Variants in RIMS2 observed in about 807,000 individuals in gnomAD.
The protein encoded by RIMS2 is regulating synaptic membrane exocytosis 2, also known as regulating synaptic membrane exocytosis protein 2.
A neutral mutation model predicts 174.4 loss-of-function variants in RIMS2; 59 were observed. That is an observed-to-expected ratio of 0.34 (90% confidence interval 0.27 to 0.42). RIMS2 has a LOEUF of 0.42. Ranked by LOEUF, RIMS2 falls within the 10% of genes least tolerant of loss-of-function variation. The pLI is 1.00. For missense variants in RIMS2, 1,620 were observed against 1,666.3 expected (o/e 0.97, Z 0.48); for synonymous variants, 606 against 572.5 (o/e 1.06, Z -0.84).
At chr8:104,129,896 T>A (rs931646642) in intron 19 of RIMS2, among the ~76,000 whole-genome samples, 1 of 152,238 alleles carries the variant, frequency 6.6e-6, no homozygotes, top group Non-Finnish European at 1.5e-5. Flanking sequence ...TGTTAATTGG[T>A]TGACATCTAT....
At chr8:104,093,566 TA>T (rs1371384771) in intron 19 of RIMS2, 1 of 1,597,586 alleles carries the variant, frequency 6.3e-7, no homozygotes, top group East Asian at 2.2e-5. Context: ...TTTCAAGGAC[TA>T]GTAGTGCTTC....
intron 1 of RIMS2, among the ~76,000 whole-genome samples, chr8:103,531,048 G>T (rs1330154724): frequency 1.3e-5 from 2 of 150,796 alleles, no homozygotes; most frequent in African/African-American, 4.9e-5. Flanking sequence ...TAACACATAG[G>T]CAAAACAAGA....
At chr8:104,226,603 A>G (rs1048185822) in intron 19 of RIMS2, among the ~76,000 whole-genome samples, 3 of 152,230 alleles carry the variant, frequency 2.0e-5, no homozygotes, top group Non-Finnish European at 4.4e-5. Context: ...AAATAACTAC[A>G]TAATTATAAC....
chr8:104,062,652 A>G (rs1024847147), intron 19 of RIMS2, among the ~76,000 whole-genome samples: 9 of 152,196 alleles, frequency 5.9e-5, no homozygotes, highest in Admixed American at 2.0e-4. Flanking sequence ...AGGTGAGCCA[A>G]TAGCTGTATA....
At chr8:103,778,222 T>C (rs1206663925) in intron 3 of RIMS2, among the ~76,000 whole-genome samples, 1 of 152,032 alleles carries the variant, frequency 6.6e-6, no homozygotes, top group Admixed American at 6.6e-5. Context: ...ATCAAGGTAG[T>C]TGGGATATCC....
chr8:103,529,573 C>T (rs1355674678), intron 1 of RIMS2, among the ~76,000 whole-genome samples: 2 of 152,248 alleles, frequency 1.3e-5, no homozygotes, highest in Non-Finnish European at 2.9e-5. Flanking sequence ...CCTTCTGCTT[C>T]CCGGGTGAGG....
At chr8:104,022,420 G>A (rs926351559) in intron 19 of RIMS2, among the ~76,000 whole-genome samples, 2 of 151,782 alleles carry the variant, frequency 1.3e-5, no homozygotes, top group Admixed American at 6.6e-5. Context: ...TTGCTCTCTC[G>A]CCCAGGCTGG....
chr8:103,586,856 A>G (rs1318682035), intron 1 of RIMS2, among the ~76,000 whole-genome samples: 1 of 152,062 alleles, frequency 6.6e-6, no homozygotes, highest in Non-Finnish European at 1.5e-5. Flanking sequence ...TAAGAGAAAA[A>G]AAACCCAGAA....
At chr8:104,233,660 C>T (rs1403879170) in intron 19 of RIMS2, among the ~76,000 whole-genome samples, 1 of 152,148 alleles carries the variant, frequency 6.6e-6, no homozygotes, top group Non-Finnish European at 1.5e-5. Flanking sequence ...CTTTCTAGTA[C>T]AGGTTTGGAA....
intron 3 of RIMS2, among the ~76,000 whole-genome samples, chr8:103,876,473 T>G (rs1300320696): frequency 1.3e-5 from 2 of 151,756 alleles, no homozygotes; most frequent in Non-Finnish European, 2.9e-5. Flanking sequence ...CGTAGGTTTT[T>G]GGGGAACAGG....
chr8:103,505,907 G>C (rs970651032), intron 1 of RIMS2, among the ~76,000 whole-genome samples: 2 of 152,014 alleles, frequency 1.3e-5, no homozygotes, highest in Non-Finnish European at 2.9e-5. Context: ...AGTGATTTGT[G>C]GAGGCTCTCT....
At chr8:104,053,371 A>G (rs1371446118) in intron 19 of RIMS2, among the ~76,000 whole-genome samples, 1 of 152,208 alleles carries the variant, frequency 6.6e-6, no homozygotes, top group Non-Finnish European at 1.5e-5. Context: ...TAGCTGCAAT[A>G]GGTCCCACTT....
At chr8:103,921,026 A>ACAG in intron 9 of RIMS2, 1 of 230,540 alleles carries the variant, frequency 4.3e-6, no homozygotes, top group South Asian at 5.1e-5. Context: ...AACAACAACA[A>ACAG]CAACAACAAC....
intron 2 of RIMS2, among the ~76,000 whole-genome samples, chr8:103,752,517 A>T (rs994275997): frequency 1.3e-5 from 2 of 152,158 alleles, no homozygotes; most frequent in East Asian, 3.9e-4. Flanking sequence ...TGGGGATGGC[A>T]TTGAATCTAT....
intron 1 of RIMS2, among the ~76,000 whole-genome samples, chr8:103,512,730 A>G (rs1339007689): frequency 6.6e-6 from 1 of 152,204 alleles, no homozygotes; most frequent in African/African-American, 2.4e-5. Flanking sequence ...TAGAATTGGC[A>G]TTAGAAAAGT....
At chr8:103,778,249 A>T (rs912663502) in intron 3 of RIMS2, among the ~76,000 whole-genome samples, 1 of 152,094 alleles carries the variant, frequency 6.6e-6, no homozygotes, top group Non-Finnish European at 1.5e-5. Context: ...TAAATATCTT[A>T]TCTTTATGCT....
intron 19 of RIMS2, among the ~76,000 whole-genome samples, chr8:104,226,613 C>T (rs1470159151): frequency 6.6e-6 from 1 of 152,130 alleles, no homozygotes; most frequent in Non-Finnish European, 1.5e-5. Context: ...ATAATTATAA[C>T]TGTGACAGGT....
chr8:104,240,575 A>C (rs950208137), intron 19 of RIMS2, among the ~76,000 whole-genome samples: 2 of 152,222 alleles, frequency 1.3e-5, no homozygotes, highest in African/African-American at 2.4e-5. Flanking sequence ...TGATTATGTC[A>C]GATGATAGTG....
intron 19 of RIMS2, among the ~76,000 whole-genome samples, chr8:104,229,583 C>A (rs2099212171): frequency 6.6e-6 from 1 of 152,174 alleles, no homozygotes; most frequent in Non-Finnish European, 1.5e-5. Context: ...CATGAGCATT[C>A]TTTTCCCATT....
Sources: gnomAD v4.1 joint callset for allele counts (sites outside exome capture counted in the v4.1 genomes callset) on GRCh38, gnomAD v4.1.1 for gene constraint, MANE v1.5 for transcripts, NCBI Gene and HGNC (gene_info 2026-07-23, HGNC 2026-07-21) for gene names.